The following USH1C variants were observed in gnomAD, a reference collection of about 807,000 sequenced individuals.
USH1C encodes the protein USH1 protein network component harmonin.
In USH1C, 90 loss-of-function variants were observed where a neutral mutation model predicts 119.3. The ratio of observed to expected loss-of-function variants is 0.75; its 90% confidence interval spans 0.64 to 0.90. The LOEUF (loss-of-function observed/expected upper bound fraction) is 0.90, where lower values mean the gene tolerates loss of function less well. USH1C is among the 40% of genes least tolerant of loss of function. The probability of loss-of-function intolerance (pLI) is 0.00; values close to 1 mark genes in which losing one functional copy is unlikely to be tolerated. For missense variants in USH1C, 1,165 were observed against 1,167.7 expected (o/e 1.00, Z 0.03); for synonymous variants, 465 against 443.3 (o/e 1.05, Z -0.62).
At chr11:17,541,668 A>G (rs567681212) in intron 1 of USH1C, among the ~76,000 whole-genome samples, 1 of 152,304 alleles carries the variant, frequency 6.6e-6, no homozygotes, top group South Asian at 2.1e-4. Context: ...TCCTGGCCCA[A>G]GGTTGCTACT....
intron 16 of USH1C, 46 bp from the exon 17 acceptor site, chr11:17,510,567 T>C (rs1361346801): frequency 3.7e-6 from 5 of 1,362,500 alleles, no homozygotes; most frequent in Non-Finnish European, 4.2e-6. Flanking sequence ...AAGGGCACAT[T>C]TGAATAACAT....
At chr11:17,534,820 G>C (rs1851162981) in intron 1 of USH1C, among the ~76,000 whole-genome samples, 2 of 146,592 alleles carry the variant, frequency 1.4e-5, no homozygotes, top group African/African-American at 5.0e-5. Flanking sequence ...GTTGCAGTGA[G>C]CCAAGATTGC....
At chr11:17,511,226 G>A (rs1268717162) in intron 16 of USH1C, among the ~76,000 whole-genome samples, 2 of 152,108 alleles carry the variant, frequency 1.3e-5, no homozygotes, top group African/African-American at 4.8e-5. Flanking sequence ...CCTATGTTGA[G>A]GGGAGCAGCC....
chr11:17,503,294 C>T (rs530214884), intron 20 of USH1C, among the ~76,000 whole-genome samples: 3 of 152,176 alleles, frequency 2.0e-5, no homozygotes, highest in Non-Finnish European at 2.9e-5. Flanking sequence ...GGCTGTTTCT[C>T]CTGGAAGGCT....
Position 17,509,615 on chromosome 11 carries a change from G to A in USH1C, c.1754C>T (p.Ser585Phe), listed in dbSNP as rs774988386. 30 of 1,595,076 alleles carry A rather than the reference G, an allele frequency of 1.9e-5. No homozygotes were observed. Among genetic ancestry groups the A allele is most frequent in the Non-Finnish European group, 2.6e-5 (30 of 1,174,224 alleles). The change falls in exon 18 of 27, where the codon TCT becomes TTT. Residue 585 changes from serine (S) to phenylalanine (F), a missense_variant. Physicochemically the swap from Ser to Phe is radical, Grantham distance 155. Transcript: ENST00000005226. ...KVPAPPVLPL[S>F]GHVSASSSPW... ...AGAGGATGAGGCGCTCACATGGCCA[G>A]ATAAGGGAAGGACAGGGGGCGCCGG...
At chr11:17,525,797 C>T (rs554737120) in intron 8 of USH1C, among the ~76,000 whole-genome samples, 16 of 152,352 alleles carry the variant, frequency 1.1e-4, no homozygotes, top group African/African-American at 3.8e-4. Flanking sequence ...TAACACTGTT[C>T]TGCCTCTGGG....
chr11:17,497,165 T>C (rs914850693), intron 24 of USH1C, among the ~76,000 whole-genome samples: 1 of 152,102 alleles, frequency 6.6e-6, no homozygotes, highest in African/African-American at 2.4e-5. Context: ...TCCTGGGAAA[T>C]AGTACTTTTA....
rs990723318 is a variant in USH1C at position 17,523,512 on chromosome 11, G to A, written c.760-34C>T. ...GAAATGGAGAAAGATTAGTGTGTTT[G>A]CGCTATCTGTACACTCGCTCATCTG... is the stretch of plus-strand genomic sequence containing the variant. On this transcript the variant is annotated intron_variant, in intron 9 of 26. Coordinates refer to ENST00000005226, the MANE Select transcript of USH1C (RefSeq NM_153676.4). 6 of 1,609,990 alleles carry A rather than the reference G, an allele frequency of 3.7e-6. No homozygotes were observed. The African/African-American group carries it at 5.3e-5, about 14-fold the overall frequency.
At chr11:17,527,118 TCCCCCGCC>T in intron 5 of USH1C, 78 bp from the exon 6 acceptor site, 1 of 855,702 alleles carries the variant, frequency 1.2e-6, no homozygotes, top group African/African-American at 4.1e-5. Context: ...ACTGACCTGC[TCCCCCGCC>T]CTCCCTCCCT....
intron 11 of USH1C, 60 bp downstream of exon 11, chr11:17,523,151 A>G: frequency 6.2e-7 from 1 of 1,611,856 alleles, no homozygotes; most frequent in Non-Finnish European, 8.5e-7. Flanking sequence ...GCAGAGATCA[A>G]AGGTCAGAGG....
At chr11:17,508,936 C>A (rs1031324480) in intron 18 of USH1C, among the ~76,000 whole-genome samples, 3 of 152,028 alleles carry the variant, frequency 2.0e-5, no homozygotes, top group Admixed American at 6.5e-5. Flanking sequence ...CTTTTTTTCC[C>A]GTTAAATCAG....
intron 1 of USH1C, among the ~76,000 whole-genome samples, chr11:17,534,953 G>C (rs563699692): frequency 1.3e-5 from 2 of 151,188 alleles, no homozygotes; most frequent in African/African-American, 4.9e-5. Context: ...TAAATCTTAG[G>C]GTGGGAGGCT....
At chr11:17,508,454 A>G (rs1476402171) in intron 18 of USH1C, among the ~76,000 whole-genome samples, 1 of 152,154 alleles carries the variant, frequency 6.6e-6, no homozygotes, top group Admixed American at 6.5e-5. Context: ...GTCAGGTGCT[A>G]TTGACTATGC....
chr11:17,525,002 T>C (rs1311938308), intron 8 of USH1C, among the ~76,000 whole-genome samples: 3 of 152,208 alleles, frequency 2.0e-5, no homozygotes. Flanking sequence ...CCACCATGCC[T>C]GGCTCAGATC....
At position 17,523,326 on chromosome 11, in the gene USH1C, G is replaced by A. The variant is rs148317033; in HGVS notation, c.820-59C>T. ...GACAGACCACAGCAGTCCAGGCAGA[G>A]AGCACAGAAGGCCCCAGGCTCCAGG... On this transcript the variant is annotated intron_variant, in intron 10 of 26. Transcript: ENST00000005226. 19,037 of 1,613,914 alleles carry A rather than the reference G, an allele frequency of 0.012. 156 individuals carry two copies. The highest frequency in any genetic ancestry group is 0.013 in the Non-Finnish European group (15,599 of 1,179,780).
intron 14 of USH1C, chr11:17,516,692 C>T (rs1850160722): frequency 3.2e-6 from 1 of 314,932 alleles, no homozygotes; most frequent in African/African-American, 2.1e-5. Flanking sequence ...TCCCTCCATA[C>T]AAAAAATGGC....
intron 1 of USH1C, among the ~76,000 whole-genome samples, chr11:17,534,735 G>C (rs1160718569): frequency 2.6e-5 from 4 of 152,108 alleles, no homozygotes; most frequent in Non-Finnish European, 5.9e-5. Context: ...TTAGCTGGGC[G>C]TAGTGGTATG....
chr11:17,509,244 G>A, intron 18 of USH1C, 112 bp downstream of exon 18: 5 of 1,410,140 alleles, frequency 3.5e-6, no homozygotes, highest in East Asian at 2.3e-5. Flanking sequence ...AAAATGGGGT[G>A]AGATGATGTT....
intron 14 of USH1C, among the ~76,000 whole-genome samples, chr11:17,518,074 C>T (rs71484774): frequency 1.3e-5 from 2 of 152,198 alleles, no homozygotes; most frequent in Non-Finnish European, 1.5e-5. Context: ...CTCTGGCCTC[C>T]GGCCTCCCTA....
Sources: gnomAD v4.1 joint callset for allele counts (sites outside exome capture counted in the v4.1 genomes callset) on GRCh38, gnomAD v4.1.1 for gene constraint, MANE v1.5 for transcripts, NCBI Gene and HGNC (gene_info 2026-07-23, HGNC 2026-07-21) for gene names.